The following MYRIP variants were observed in gnomAD, a reference collection of about 807,000 sequenced individuals.
MYRIP encodes the protein myosin VIIA and Rab interacting protein.
Under a neutral mutation model 98.0 loss-of-function variants are expected in MYRIP, and 49 were observed. The ratio of observed to expected loss-of-function variants is 0.50; its 90% CI spans 0.40 to 0.63. The LOEUF (loss-of-function observed/expected upper bound fraction) is 0.63, where lower values mean the gene tolerates loss of function less well. MYRIP is among the 30% of genes least tolerant of loss of function. The pLI is 0.00. For missense variants in MYRIP, 1,004 were observed against 1,058.2 expected, an observed-to-expected ratio of 0.95 and a Z score of 0.71; for synonymous variants, 404 against 409.5, an observed-to-expected ratio of 0.99 and a Z score of 0.16.
intron 2 of MYRIP, among the ~76,000 whole-genome samples, chr3:40,034,408 C>T (rs1380626953): frequency 7.9e-5 from 12 of 152,094 alleles, no homozygotes; most frequent in African/African-American, 2.2e-4. Flanking sequence ...AACAAGTGGG[C>T]GAAGGATATG....
chr3:40,250,394 C>T (rs763279682), intron 14 of MYRIP, 45 bp from the exon 15 acceptor site: 26 of 1,613,304 alleles, frequency 1.6e-5, no homozygotes, highest in Middle Eastern at 1.7e-4. Flanking sequence ...GACAAAATAT[C>T]TTTGGCTCTG....
At chr3:40,046,618 T>C (rs1947673733) in intron 3 of MYRIP, among the ~76,000 whole-genome samples, 1 of 149,190 alleles carries the variant, frequency 6.7e-6, no homozygotes, top group Admixed American at 6.7e-5. Flanking sequence ...TCAGACAATG[T>C]GTGGCATGAG....
intron 1 of MYRIP, among the ~76,000 whole-genome samples, chr3:39,886,785 CAG>C (rs1430155288): frequency 2.0e-5 from 3 of 151,772 alleles, no homozygotes; most frequent in Non-Finnish European, 4.4e-5. Flanking sequence ...ATCAACGAGA[CAG>C]AAAGTCAACA....
intron 2 of MYRIP, among the ~76,000 whole-genome samples, chr3:39,994,766 A>C (rs1195292374): frequency 6.6e-6 from 1 of 152,226 alleles, no homozygotes; most frequent in Non-Finnish European, 1.5e-5. Context: ...ACCCCCGAGT[A>C]GCCTAACTGG....
intron 2 of MYRIP, among the ~76,000 whole-genome samples, chr3:40,032,352 A>C (rs1042026401): frequency 2.0e-5 from 3 of 152,134 alleles, no homozygotes; most frequent in African/African-American, 7.2e-5. Flanking sequence ...GAGTTTCTTA[A>C]TCCTGAGTTC....
At position 40,013,410 on chromosome 3, in the gene MYRIP, T is replaced by G. The variant is rs1044971310; in HGVS notation, c.111-30640T>G. Among the ~76,000 whole-genome samples, 15 of 152,156 alleles carry G rather than the reference T, an allele frequency of 9.9e-5. 1 individual carries two copies. Among genetic ancestry groups the G allele is most frequent in the Non-Finnish European group, 2.2e-4 (15 of 68,018 alleles). ...GTCTTACAAAGTGCAGCACCCAGAT[T>G]TTAGGAGCCCAAGCTGTGCACATGC... On this transcript the variant is annotated intron_variant, in intron 2 of 16. Coordinates refer to ENST00000302541, the MANE Select transcript of MYRIP (RefSeq NM_015460.4).
chr3:40,119,559 A>C (rs1437202493), intron 3 of MYRIP, among the ~76,000 whole-genome samples: 2 of 118,028 alleles, frequency 1.7e-5, no homozygotes, highest in Non-Finnish European at 3.9e-5. Context: ...CTTAAATTTT[A>C]AATCCCGTGG....
rs766775104 is a variant in MYRIP, at chr3:40,212,225, TACACACACACACACAC to T, written c.1905+2138_1905+2153del. ...ATATACGTGTGTGTATATATATATA[TACACACACACACACAC>T]ACACATATATATATATACACGTATA... is the stretch of plus-strand genomic sequence containing the variant. On this transcript the variant is annotated intron_variant, in intron 11 of 16. Coordinates refer to ENST00000302541, the MANE Select transcript of MYRIP (RefSeq NM_015460.4). Among the ~76,000 whole-genome samples the T allele has an allele frequency of 1.2e-4, 9 of 76,908 alleles. 1 individual carries two copies. Among genetic ancestry groups the T allele is most frequent in the East Asian group, 5.8e-4 (2 of 3,452 alleles). 50.5% of individuals were successfully genotyped at this position (76,908 alleles called of 152,430 possible). A position where few individuals can be genotyped will look rare whatever the true frequency, so the allele number is the denominator to read the frequency against.
chr3:40,198,746 C>T (rs1033223031), intron 10 of MYRIP, among the ~76,000 whole-genome samples: 1 of 152,130 alleles, frequency 6.6e-6, no homozygotes, highest in African/African-American at 2.4e-5. Flanking sequence ...TAAACTTTCT[C>T]CTGCCTAGCA....
At chr3:39,901,268 T>A (rs552170647) in intron 2 of MYRIP, among the ~76,000 whole-genome samples, 25 of 152,352 alleles carry the variant, frequency 1.6e-4, no homozygotes, top group African/African-American at 6.0e-4. Context: ...AAGTGTTAAG[T>A]GAACAGTTCT....
chr3:39,929,556 G>A (rs978485163), intron 2 of MYRIP, among the ~76,000 whole-genome samples: 2 of 152,182 alleles, frequency 1.3e-5, no homozygotes, highest in Non-Finnish European at 1.5e-5. Context: ...ATAATAGAAT[G>A]CAGAAATAGG....
chr3:40,136,233 C>G (rs1277746125), intron 3 of MYRIP, among the ~76,000 whole-genome samples: 1 of 152,144 alleles, frequency 6.6e-6, no homozygotes, highest in Non-Finnish European at 1.5e-5. Context: ...GGGTTGCAAT[C>G]CTAGTCTCTG....
intron 11 of MYRIP, among the ~76,000 whole-genome samples, chr3:40,212,787 A>C (rs768825378): frequency 7.9e-5 from 12 of 152,154 alleles, no homozygotes; most frequent in East Asian, 1.9e-4. Flanking sequence ...TTAGCCAAGC[A>C]TGGTGGTTAA....
chr3:39,967,732 C>T (rs938268264), intron 2 of MYRIP, among the ~76,000 whole-genome samples: 15 of 152,162 alleles, frequency 9.9e-5, no homozygotes, highest in African/African-American at 3.6e-4. Context: ...TCCCTGCAAC[C>T]TTGCCAGCAT....
intron 2 of MYRIP, among the ~76,000 whole-genome samples, chr3:39,956,245 G>A (rs1329743060): frequency 2.0e-5 from 3 of 152,004 alleles, no homozygotes; most frequent in Non-Finnish European, 4.4e-5. Context: ...GAACCACATT[G>A]CACTTATTCC....
chr3:39,894,477 G>T (rs957909103), intron 1 of MYRIP, among the ~76,000 whole-genome samples: 1 of 152,148 alleles, frequency 6.6e-6, no homozygotes, highest in East Asian at 1.9e-4. Flanking sequence ...TAGTGTTCCC[G>T]TGGGTGAATA....
At chr3:40,171,497 G>A (rs1176576158) in intron 8 of MYRIP, among the ~76,000 whole-genome samples, 1 of 152,148 alleles carries the variant, frequency 6.6e-6, no homozygotes, top group East Asian at 1.9e-4. Context: ...AGTATTTTCT[G>A]CAAACTCAAA....
chr3:40,053,285 GC>G (rs1010050942), intron 3 of MYRIP, among the ~76,000 whole-genome samples: 4 of 152,242 alleles, frequency 2.6e-5, no homozygotes, highest in Middle Eastern at 3.4e-3. Flanking sequence ...CAATTAATGG[GC>G]AATTTAGGTT....
chr3:40,212,769 CA>C (rs1951999969), intron 11 of MYRIP, among the ~76,000 whole-genome samples: 1 of 151,036 alleles, frequency 6.6e-6, no homozygotes, highest in South Asian at 2.1e-4. Flanking sequence ...TAAATAAAAA[CA>C]AAAAAATTAG....
Sources: allele counts gnomAD v4.1 joint callset (sites outside exome capture counted in the v4.1 genomes callset), GRCh38; gene constraint gnomAD v4.1.1; transcripts MANE v1.5; gene names NCBI Gene and HGNC (gene_info 2026-07-23, HGNC 2026-07-21).